RYR2: variants seen among roughly 807,000 people sequenced by gnomAD.
RYR2 encodes ryanodine receptor 2.
A neutral mutation model predicts 601.1 loss-of-function variants in RYR2; 227 were observed. The ratio of observed to expected loss-of-function variants is 0.38; its 90% CI spans 0.34 to 0.42. The LOEUF (loss-of-function observed/expected upper bound fraction) is 0.42. Ranked by LOEUF, RYR2 falls within the 10% of genes least tolerant of loss-of-function variation. RYR2 has a pLI of 1.00. For synonymous variants in RYR2, 2,223 were observed against 2,175.1 expected, an observed-to-expected ratio of 1.02 and a Z score of -0.61; for missense variants, 4,646 against 6,156.5, an observed-to-expected ratio of 0.75 and a Z score of 8.21.
At chr1:237,424,107 G>A (rs1038543609) in intron 12 of RYR2, among the ~76,000 whole-genome samples, 1 of 152,132 alleles carries the variant, frequency 6.6e-6, no homozygotes, top group Non-Finnish European at 1.5e-5. Context: ...ATCCAGTCAC[G>A]TCTTTCCCTC....
At chr1:237,146,817 C>G (rs1674053087) in intron 1 of RYR2, among the ~76,000 whole-genome samples, 1 of 152,114 alleles carries the variant, frequency 6.6e-6, no homozygotes, top group African/African-American at 2.4e-5. Context: ...GATTAATCAT[C>G]CCATTTAATC....
intron 25 of RYR2, among the ~76,000 whole-genome samples, chr1:237,545,884 A>T (rs950408894): frequency 3.3e-5 from 5 of 151,836 alleles, no homozygotes; most frequent in Non-Finnish European, 7.4e-5. Context: ...ACAAAGTGAG[A>T]CCTTGCCTCA....
intron 1 of RYR2, among the ~76,000 whole-genome samples, chr1:237,258,923 G>A (rs761236820): frequency 2.4e-4 from 36 of 152,048 alleles, no homozygotes; most frequent in Non-Finnish European, 3.2e-4. Flanking sequence ...GAAAAGCATT[G>A]ATGAAAGTTT....
In RYR2 at chr1:237,806,383, A is replaced by C; in HGVS notation, c.14298+100A>C. On this transcript the variant is annotated intron_variant, in intron 99 of 104. Transcript: ENST00000366574. ...CCCTCAAATGACAATGTACAGTTTT[A>C]AAGATTTTTTTGAAGGGAGGGTCTG... 3 of 1,250,956 alleles carry C rather than the reference A, an allele frequency of 2.4e-6. No individual in the cohort carries two copies. The South Asian group carries it at 4.5e-5, about 19-fold the overall frequency. 77.5% of individuals were successfully genotyped at this position (1,250,956 alleles called of 1,614,324 possible).
chr1:237,306,866 G>A (rs527462757), intron 2 of RYR2, among the ~76,000 whole-genome samples: 73 of 152,212 alleles, frequency 4.8e-4, no homozygotes, highest in Non-Finnish European at 4.9e-4. Flanking sequence ...TGGGCCTTCT[G>A]AGTTTCAGTT....
At chr1:237,306,489 A>G (rs1320550975) in intron 2 of RYR2, among the ~76,000 whole-genome samples, 1 of 152,224 alleles carries the variant, frequency 6.6e-6, no homozygotes, top group Non-Finnish European at 1.5e-5. Context: ...AATTTTGAGG[A>G]CATTTAAATT....
chr1:237,460,778 TA>T (rs1278606434), intron 16 of RYR2, among the ~76,000 whole-genome samples: 4 of 152,190 alleles, frequency 2.6e-5, no homozygotes, highest in African/African-American at 2.4e-5. Context: ...CTATTGTTAC[TA>T]TAAATATTAC....
intron 16 of RYR2, among the ~76,000 whole-genome samples, chr1:237,468,878 G>A (rs1354868259): frequency 4.6e-5 from 7 of 152,114 alleles, no homozygotes; most frequent in Non-Finnish European, 1.0e-4. Flanking sequence ...TCCTTCTAAT[G>A]AGCAGTGGTT....
chr1:237,759,173 G>A (rs549658334), intron 82 of RYR2, among the ~76,000 whole-genome samples: 2 of 152,092 alleles, frequency 1.3e-5, no homozygotes, highest in South Asian at 2.1e-4. Flanking sequence ...TGCAACCTCC[G>A]CCTCCTGGGT....
intron 101 of RYR2, among the ~76,000 whole-genome samples, chr1:237,825,922 C>A (rs1394821608): frequency 2.0e-5 from 3 of 152,142 alleles, no homozygotes; most frequent in Admixed American, 2.0e-4. Flanking sequence ...AAAAATAGGT[C>A]ATCACTGGTC....
chr1:237,641,321 G>A (rs1681448866), intron 47 of RYR2, among the ~76,000 whole-genome samples: 2 of 152,012 alleles, frequency 1.3e-5, no homozygotes, highest in African/African-American at 2.4e-5. Context: ...ATGTTACAGT[G>A]CATCCAGAAA....
chr1:237,380,655 A>G (rs1226674894), intron 8 of RYR2, among the ~76,000 whole-genome samples: 2 of 151,848 alleles, frequency 1.3e-5, no homozygotes, highest in Non-Finnish European at 2.9e-5. Flanking sequence ...AAGAATGGTT[A>G]AAGAAGTTAG....
intron 1 of RYR2, among the ~76,000 whole-genome samples, chr1:237,223,298 G>C (rs566548875): frequency 2.0e-5 from 3 of 152,314 alleles, no homozygotes; most frequent in African/African-American, 7.2e-5. Context: ...CATGGCTAAA[G>C]GTGGGCAAGA....
Position 237,795,848 on chromosome 1 carries a change from ATG to A in RYR2, c.13956+519_13956+520del, listed in dbSNP as rs1491575444. Among the ~76,000 whole-genome samples, 64 of 118,104 alleles carry A rather than the reference ATG, an allele frequency of 5.4e-4. 1 individual carries two copies. Among genetic ancestry groups the A allele is most frequent in the African/African-American group, 1.8e-3 (52 of 28,232 alleles). The allele number at this position is 118,104 out of a possible 152,430, so 77.5% of individuals were successfully genotyped here. On this transcript the variant is annotated intron_variant, in intron 96 of 104. Transcript: ENST00000366574. ...TATGTGTGTGTGTGTATATATATATATGTATATGTATATATATATATATATAC... is the reference window on the plus strand; with the variant it reads ...TATGTGTGTGTGTGTATATATATATATATATGTATATATATATATATATAC...
intron 1 of RYR2, among the ~76,000 whole-genome samples, chr1:237,137,951 A>C (rs976834574): frequency 2.0e-5 from 3 of 152,208 alleles, no homozygotes; most frequent in African/African-American, 7.2e-5. Context: ...GATAGCCACT[A>C]TCCCAACTTT....
chr1:237,469,230 A>G, intron 17 of RYR2, 43 bp downstream of exon 17: 1 of 515,362 alleles, frequency 1.9e-6, no homozygotes, highest in Middle Eastern at 7.8e-4. Flanking sequence ...GATCACTCCT[A>G]TTTTTCTTTG....
intron 29 of RYR2, among the ~76,000 whole-genome samples, chr1:237,577,545 T>C (rs893146544): frequency 3.0e-5 from 2 of 66,816 alleles, no homozygotes; most frequent in African/African-American, 9.2e-5. Context: ...TGCGTGTGTG[T>C]GTGTTTGAGA....
chr1:237,347,147 C>A (rs1357164313), intron 3 of RYR2, among the ~76,000 whole-genome samples: 1 of 151,852 alleles, frequency 6.6e-6, no homozygotes, highest in Non-Finnish European at 1.5e-5. Flanking sequence ...AAAGAGAGAC[C>A]CCTGTCTCTA....
At chr1:237,377,497 A>G in intron 8 of RYR2, 62 bp downstream of exon 8, 1 of 1,261,626 alleles carries the variant, frequency 7.9e-7, no homozygotes, top group Non-Finnish European at 1.2e-6. Flanking sequence ...CAATAAAATG[A>G]TCTCTTTAAG....
Sources: gnomAD v4.1 joint callset for allele counts (sites outside exome capture counted in the v4.1 genomes callset) on GRCh38, gnomAD v4.1.1 for gene constraint, MANE v1.5 for transcripts, NCBI Gene and HGNC (gene_info 2026-07-23, HGNC 2026-07-21) for gene names.